PCED1B: variants seen among roughly 807,000 people sequenced by gnomAD.
PCED1B encodes the protein PC-esterase domain-containing protein 1B.
For synonymous variants in PCED1B, 251 were observed against 246.1 expected, an observed-to-expected ratio of 1.02 and a Z score of -0.19; for missense variants, 573 against 573.9, an observed-to-expected ratio of 1.00 and a Z score of 0.02.
intron 2 of PCED1B, chr12:47,209,313 G>A: frequency 6.6e-6 from 1 of 152,220 alleles, no homozygotes; most frequent in East Asian, 1.9e-4. Context: ...ATCACCTGAG[G>A]TAAGGTGTTC....
chr12:47,145,353 A>G (rs1047079115), intron 2 of PCED1B, among the ~76,000 whole-genome samples: 7 of 152,246 alleles, frequency 4.6e-5, no homozygotes, highest in African/African-American at 1.7e-4. Context: ...TGAAGCAACA[A>G]GTGCTGATGT....
At chr12:47,126,388 T>C (rs1230859719) in intron 2 of PCED1B, among the ~76,000 whole-genome samples, 1 of 152,156 alleles carries the variant, frequency 6.6e-6, no homozygotes, top group Non-Finnish European at 1.5e-5. Context: ...CCTATTTATG[T>C]AATGTCACAT....
At chr12:47,080,579 G>T (rs1253760495) in intron 1 of PCED1B, among the ~76,000 whole-genome samples, 2 of 152,158 alleles carry the variant, frequency 1.3e-5, no homozygotes, top group Admixed American at 6.5e-5. Flanking sequence ...TCGCCACGGG[G>T]ACACCCCTCA....
Position 47,233,039 on chromosome 12 carries a change from C to T in PCED1B, c.-57-1968C>T, listed in dbSNP as rs184411345. ...GCAGCCTCAACATCCTGAGCCCAAGCCATCCTCCCGCCTCAGTCGTGCGCC... is the reference window on the plus strand; with the variant it reads ...GCAGCCTCAACATCCTGAGCCCAAGTCATCCTCCCGCCTCAGTCGTGCGCC... On this transcript the variant is annotated intron_variant, in intron 3 of 3. Transcript: ENST00000546455. Among the ~76,000 whole-genome samples the T allele has an allele frequency of 4.6e-5, 7 of 152,168 alleles. No individual in the cohort carries two copies. The East Asian group carries it at 1.3e-3, about 29-fold the overall frequency.
At chr12:47,080,658 A>G (rs990232634) in intron 1 of PCED1B, among the ~76,000 whole-genome samples, 10 of 152,130 alleles carry the variant, frequency 6.6e-5, no homozygotes, top group Non-Finnish European at 1.5e-4. Context: ...CCAATTCAAG[A>G]AGGAGGAGGG....
intron 2 of PCED1B, among the ~76,000 whole-genome samples, chr12:47,143,135 C>T (rs1207491953): frequency 6.6e-6 from 1 of 152,000 alleles, no homozygotes; most frequent in Non-Finnish European, 1.5e-5. Context: ...GAAAGCTTTA[C>T]CTCTAAGATC....
chr12:47,231,788 C>T (rs377333215), intron 3 of PCED1B, among the ~76,000 whole-genome samples: 3 of 152,258 alleles, frequency 2.0e-5, no homozygotes, highest in South Asian at 4.1e-4. Context: ...ACTGTATTAA[C>T]AGGGGAAGGT....
At chr12:47,167,459 A>G (rs1941580879) in intron 2 of PCED1B, among the ~76,000 whole-genome samples, 1 of 152,090 alleles carries the variant, frequency 6.6e-6, no homozygotes, top group African/African-American at 2.4e-5. Context: ...TGTGTCACCT[A>G]CCTGTGATTG....
intron 3 of PCED1B, among the ~76,000 whole-genome samples, chr12:47,233,976 TTTG>T (rs937207994): frequency 1.3e-5 from 2 of 152,080 alleles, no homozygotes; most frequent in Non-Finnish European, 2.9e-5. Context: ...AGGGGTTTTT[TTTG>T]TTTTGTTTTT....
intron 3 of PCED1B, among the ~76,000 whole-genome samples, chr12:47,222,802 C>T (rs1943525221): frequency 6.6e-6 from 1 of 152,172 alleles, no homozygotes; most frequent in Non-Finnish European, 1.5e-5. Flanking sequence ...ACCCCAGAGC[C>T]CCTCCCTCTC....
intron 2 of PCED1B, among the ~76,000 whole-genome samples, chr12:47,171,440 C>T (rs1478945942): frequency 1.3e-5 from 2 of 152,120 alleles, no homozygotes. Flanking sequence ...TTAGATTTCT[C>T]TTGCAGTAAA....
chr12:47,159,128 T>G (rs1456309624), intron 2 of PCED1B, among the ~76,000 whole-genome samples: 2 of 152,232 alleles, frequency 1.3e-5, no homozygotes, highest in Non-Finnish European at 1.5e-5. Flanking sequence ...TGCCACATTT[T>G]ATTTATCCAT....
At chr12:47,191,884 T>C (rs1942452479) in intron 2 of PCED1B, among the ~76,000 whole-genome samples, 1 of 152,066 alleles carries the variant, frequency 6.6e-6, no homozygotes, top group African/African-American at 2.4e-5. Context: ...CTGAGTCCAT[T>C]ACCATTTTCT....
At chr12:47,220,003 G>A (rs561476366) in intron 3 of PCED1B, among the ~76,000 whole-genome samples, 1 of 149,690 alleles carries the variant, frequency 6.7e-6, no homozygotes, top group African/African-American at 2.5e-5. Context: ...AGCCTGGGAG[G>A]TTGAAGCTGC....
intron 3 of PCED1B, among the ~76,000 whole-genome samples, chr12:47,225,719 T>A (rs1384075600): frequency 1.3e-5 from 2 of 152,204 alleles, no homozygotes; most frequent in African/African-American, 4.8e-5. Flanking sequence ...AGTACAATAT[T>A]GTATTAAGAT....
At chr12:47,103,950 A>C (rs938330967) in intron 1 of PCED1B, among the ~76,000 whole-genome samples, 163 bp from the exon 2 acceptor site, 1 of 152,194 alleles carries the variant, frequency 6.6e-6, no homozygotes, top group African/African-American at 2.4e-5. Context: ...CAGATGAGTA[A>C]AATCCTTTCA....
chr12:47,210,026 C>G (rs1489996846), intron 2 of PCED1B: 1 of 152,196 alleles, frequency 6.6e-6, no homozygotes, highest in African/African-American at 2.4e-5. Context: ...GAAGGAGTCA[C>G]AGATGATCTT....
In PCED1B at chr12:47,205,729, G is replaced by A. The variant is rs180997491; in HGVS notation, c.-525-10493G>A. 4.1e-3 allele frequency among the ~76,000 whole-genome samples: 624 copies of A among 151,586 alleles called. 1 individual carries two copies. The highest frequency in any genetic ancestry group is 5.4e-3 in the Non-Finnish European group (369 of 67,842). On this transcript the variant is annotated intron_variant, in intron 2 of 3. Transcript: ENST00000546455. ...AAAGAGAGGGAAAGAGGGAGAAGAGGAGGGAGGAAAAGAGGGAGAGAGAGA... is the reference window on the plus strand; with the variant it reads ...AAAGAGAGGGAAAGAGGGAGAAGAGAAGGGAGGAAAAGAGGGAGAGAGAGA...
intron 2 of PCED1B, among the ~76,000 whole-genome samples, chr12:47,175,667 A>G (rs1941899830): frequency 6.6e-6 from 1 of 151,914 alleles, no homozygotes; most frequent in Admixed American, 6.6e-5. Flanking sequence ...TCAGCCTCCC[A>G]GGTTTAAGCA....
Sources: gnomAD v4.1 joint callset for allele counts (sites outside exome capture counted in the v4.1 genomes callset) on GRCh38, gnomAD v4.1.1 for gene constraint, MANE v1.5 for transcripts, NCBI Gene and HGNC (gene_info 2026-07-23, HGNC 2026-07-21) for gene names.